The following GRIA4 variants were observed in gnomAD, a reference collection of about 807,000 sequenced individuals.
GRIA4 encodes the protein glutamate receptor 4.
A neutral mutation model predicts 104.0 loss-of-function variants in GRIA4; 34 were observed. The observed-to-expected ratio is 0.33, with a 90% CI of 0.25 to 0.44. The LOEUF is 0.44. Ranked by LOEUF, GRIA4 falls within the 20% of genes least tolerant of loss-of-function variation. The pLI is 1.00. For synonymous variants in GRIA4, 386 were observed against 381.9 expected, an observed-to-expected ratio of 1.01 and a Z score of -0.13; for missense variants, 750 against 1,096.5, an observed-to-expected ratio of 0.68 and a Z score of 4.46.
At chr11:105,778,941 C>G (rs895852602) in intron 4 of GRIA4, among the ~76,000 whole-genome samples, 1 of 97,216 alleles carries the variant, frequency 1.0e-5, no homozygotes, top group African/African-American at 4.2e-5. Context: ...CCCCCTCCCC[C>G]CACCCTACAA....
intron 5 of GRIA4, among the ~76,000 whole-genome samples, chr11:105,883,864 A>C (rs1490730388): frequency 2.0e-5 from 3 of 152,164 alleles, no homozygotes; most frequent in African/African-American, 7.2e-5. Flanking sequence ...TGTCTTCTAC[A>C]ATGGTTGAAC....
intron 9 of GRIA4, among the ~76,000 whole-genome samples, chr11:105,907,360 T>A (rs1204441327): frequency 6.6e-6 from 1 of 152,172 alleles, no homozygotes; most frequent in Non-Finnish European, 1.5e-5. Context: ...GGGCATTGTG[T>A]CAGGAATATT....
intron 4 of GRIA4, among the ~76,000 whole-genome samples, chr11:105,839,441 T>C (rs976836138): frequency 6.7e-5 from 3 of 44,850 alleles, no homozygotes; most frequent in Non-Finnish European, 1.3e-4. Context: ...TGACAGTGAC[T>C]TCCTTTTTTT....
chr11:105,655,483 C>T (rs1012793530), intron 3 of GRIA4, among the ~76,000 whole-genome samples: 3 of 152,088 alleles, frequency 2.0e-5, no homozygotes, highest in Non-Finnish European at 1.5e-5. Context: ...TGCTCTCCCT[C>T]CCCTAGTCCC....
chr11:105,649,795 T>C (rs1266470084), intron 3 of GRIA4, among the ~76,000 whole-genome samples: 1 of 152,090 alleles, frequency 6.6e-6, no homozygotes, highest in Non-Finnish European at 1.5e-5. Flanking sequence ...AATTAATGAC[T>C]ATCTCAACAA....
At chr11:105,660,733 C>A (rs55798897) in intron 3 of GRIA4, among the ~76,000 whole-genome samples, 6,453 of 151,300 alleles carry the variant, frequency 0.043, 340 homozygotes, top group African/African-American at 0.12. Context: ...GACTATTATG[C>A]AGGCAAAAAG....
At chr11:105,962,756 T>G (rs1006311845) in intron 14 of GRIA4, among the ~76,000 whole-genome samples, 1 of 152,182 alleles carries the variant, frequency 6.6e-6, no homozygotes, top group Non-Finnish European at 1.5e-5. Flanking sequence ...TTCTCCAATA[T>G]GGTTTAAACA....
chr11:105,870,189 T>A (rs1334314928), intron 5 of GRIA4, among the ~76,000 whole-genome samples: 1 of 150,824 alleles, frequency 6.6e-6, no homozygotes, highest in African/African-American at 2.4e-5. Context: ...GAAATATATA[T>A]ATTCTATATT....
chr11:105,641,997 C>G (rs1020593713), intron 3 of GRIA4, among the ~76,000 whole-genome samples: 2 of 152,104 alleles, frequency 1.3e-5, no homozygotes, highest in Non-Finnish European at 2.9e-5. Flanking sequence ...CTTGTAGATG[C>G]CATTATCTCC....
At chr11:105,924,299 A>G (rs1352376621) in intron 11 of GRIA4, 100 bp from the exon 12 acceptor site, 11 of 810,346 alleles carry the variant, frequency 1.4e-5, no homozygotes, top group East Asian at 7.4e-5. Context: ...TAAATGTAGA[A>G]TAAACGCATG....
intron 3 of GRIA4, among the ~76,000 whole-genome samples, chr11:105,739,294 G>C (rs1429115729): frequency 6.6e-6 from 1 of 152,072 alleles, no homozygotes; most frequent in East Asian, 1.9e-4. Flanking sequence ...TATTTTTACT[G>C]AGCTCTCAAT....
At chr11:105,748,235 T>C (rs183409741) in intron 3 of GRIA4, among the ~76,000 whole-genome samples, 1 of 152,192 alleles carries the variant, frequency 6.6e-6, no homozygotes, top group African/African-American at 2.4e-5. Context: ...GCTTGGAACT[T>C]AGTTATGGCT....
chr11:105,669,548 C>G (rs1228156367), intron 3 of GRIA4, among the ~76,000 whole-genome samples: 1 of 152,088 alleles, frequency 6.6e-6, no homozygotes, highest in Non-Finnish European at 1.5e-5. Context: ...GTTCTCTTTT[C>G]AAAATCCACC....
At chr11:105,652,970 C>T (rs528316162) in intron 3 of GRIA4, among the ~76,000 whole-genome samples, 9 of 152,144 alleles carry the variant, frequency 5.9e-5, no homozygotes, top group African/African-American at 7.2e-5. Flanking sequence ...TGCAGTGGCA[C>T]GATCTTGGCT....
chr11:105,898,579 T>TA, intron 7 of GRIA4, 152 bp downstream of exon 7: 1 of 596,536 alleles, frequency 1.7e-6, no homozygotes, highest in East Asian at 2.8e-5. Context: ...CACATGCTCT[T>TA]AATAATTTCT....
chr11:105,704,420 G>T (rs1953618870), intron 3 of GRIA4, among the ~76,000 whole-genome samples: 1 of 151,946 alleles, frequency 6.6e-6, no homozygotes, highest in Non-Finnish European at 1.5e-5. Context: ...CCTATAGAAA[G>T]AAAACTGGCC....
At chr11:105,708,757 T>C (rs1953800520) in intron 3 of GRIA4, among the ~76,000 whole-genome samples, 1 of 151,250 alleles carries the variant, frequency 6.6e-6, no homozygotes, top group Admixed American at 6.6e-5. Context: ...AAGTTGCAAA[T>C]AAAAAAAAGA....
intron 5 of GRIA4, among the ~76,000 whole-genome samples, chr11:105,879,356 G>A (rs11226871): frequency 0.27 from 40,798 of 151,956 alleles, 5,488 homozygotes; most frequent in Non-Finnish European, 0.29. Context: ...CCAGGTCCCC[G>A]GTAGTTTCAT....
intron 5 of GRIA4, among the ~76,000 whole-genome samples, chr11:105,884,485 G>A (rs554370904): frequency 3.3e-5 from 5 of 152,182 alleles, no homozygotes; most frequent in South Asian, 2.1e-4. Context: ...ATTGTAAATC[G>A]AATTTTTTCA....
Sources: allele counts gnomAD v4.1 joint callset (sites outside exome capture counted in the v4.1 genomes callset), GRCh38; gene constraint gnomAD v4.1.1; transcripts MANE v1.5; gene names NCBI Gene and HGNC (gene_info 2026-07-23, HGNC 2026-07-21).